Variants in ADAMTS6 observed in about 807,000 individuals in gnomAD.
The protein encoded by ADAMTS6 is A disintegrin and metalloproteinase with thrombospondin motifs 6.
Under a neutral mutation model 144.3 loss-of-function variants are expected in ADAMTS6, and 23 were observed. The ratio of observed to expected loss-of-function variants is 0.16; its 90% CI spans 0.11 to 0.23. The LOEUF (loss-of-function observed/expected upper bound fraction) is 0.23, where lower values mean the gene tolerates loss of function less well. ADAMTS6 is among the 10% of genes least tolerant of loss of function. The probability of loss-of-function intolerance (pLI) is 1.00; values close to 1 mark genes in which losing one functional copy is unlikely to be tolerated. For synonymous variants in ADAMTS6, 444 were observed against 457.5 expected (o/e 0.97, Z 0.38); for missense variants, 999 against 1,379.6 (o/e 0.72, Z 4.37).
At chr5:65,219,409 T>C (rs952693892) in intron 18 of ADAMTS6, among the ~76,000 whole-genome samples, 13 of 152,080 alleles carry the variant, frequency 8.5e-5, no homozygotes, top group African/African-American at 3.1e-4. Flanking sequence ...TGTTAGACAT[T>C]ATAAGAAATC....
intron 24 of ADAMTS6, among the ~76,000 whole-genome samples, chr5:65,156,695 T>C (rs1752439897): frequency 6.6e-6 from 1 of 152,234 alleles, no homozygotes. Context: ...ACTTTCTTCA[T>C]GCAAACACAC....
chr5:65,202,053 G>A (rs1311514115), intron 20 of ADAMTS6, among the ~76,000 whole-genome samples: 1 of 152,204 alleles, frequency 6.6e-6, no homozygotes, highest in Non-Finnish European at 1.5e-5. Context: ...GCATTTGCAG[G>A]GCAGAGCAAA....
intron 7 of ADAMTS6, among the ~76,000 whole-genome samples, chr5:65,368,021 A>G (rs1750469239): frequency 6.6e-6 from 1 of 152,144 alleles, no homozygotes; most frequent in Non-Finnish European, 1.5e-5. Context: ...TCAAAGGCTA[A>G]AAGTCTACTG....
At chr5:65,459,035 TTC>T (rs199595488) in intron 4 of ADAMTS6, among the ~76,000 whole-genome samples, 3,288 of 152,018 alleles carry the variant, frequency 0.022, 123 homozygotes, top group African/African-American at 0.076. Context: ...TCTTTTTTTT[TTC>T]TTTCTTTTTT....
intron 11 of ADAMTS6, among the ~76,000 whole-genome samples, chr5:65,280,571 G>A (rs1016833138): frequency 6.6e-6 from 1 of 152,022 alleles, no homozygotes; most frequent in African/African-American, 2.4e-5. Flanking sequence ...TAATATACTA[G>A]GAAACATTCA....
At chr5:65,225,217 A>C (rs576008524) in intron 16 of ADAMTS6, among the ~76,000 whole-genome samples, 170 bp from the exon 17 acceptor site, 80 of 152,326 alleles carry the variant, frequency 5.3e-4, no homozygotes, top group African/African-American at 1.8e-3. Flanking sequence ...AAAAACTTGA[A>C]TACTACTACA....
intron 24 of ADAMTS6, among the ~76,000 whole-genome samples, chr5:65,155,141 T>G (rs979425472): frequency 6.6e-6 from 1 of 152,192 alleles, no homozygotes; most frequent in African/African-American, 2.4e-5. Context: ...TTATTCTCTT[T>G]TAACTCCACA....
chr5:65,249,003 G>T (rs1240789380), intron 14 of ADAMTS6, among the ~76,000 whole-genome samples: 3 of 151,932 alleles, frequency 2.0e-5, no homozygotes, highest in African/African-American at 7.3e-5. Flanking sequence ...TATTGTTCCT[G>T]TTTTTTGCCG....
rs543679771 is a variant in ADAMTS6 at position 65,243,938 on chromosome 5, A to C, written c.1831-1732T>G. Among the ~76,000 whole-genome samples the C allele has an allele frequency of 2.6e-5, 4 of 152,274 alleles. No homozygotes were observed. In the East Asian group the frequency reaches 7.7e-4, roughly 29 times the overall value. On this transcript the variant is annotated intron_variant, in intron 14 of 24. Transcript: ENST00000381055. ...AAGCATGGCTTTCAACTTTGTTGGAAAAACAAGACACAAATGGAAAAACGA... is the reference window on the plus strand; with the variant it reads ...AAGCATGGCTTTCAACTTTGTTGGACAAACAAGACACAAATGGAAAAACGA...
At chr5:65,241,606 G>A (rs767993086) in intron 15 of ADAMTS6, among the ~76,000 whole-genome samples, 31 of 152,056 alleles carry the variant, frequency 2.0e-4, no homozygotes, top group Non-Finnish European at 4.1e-4. Flanking sequence ...AACAATCAGT[G>A]CCTGATACAT....
intron 20 of ADAMTS6, among the ~76,000 whole-genome samples, chr5:65,198,238 G>T (rs550029231): frequency 2.9e-4 from 44 of 152,082 alleles, no homozygotes; most frequent in Non-Finnish European, 2.4e-4. Flanking sequence ...AAATTACCCA[G>T]AAAGAGTTGT....
At chr5:65,319,410 T>C (rs1179402525) in intron 9 of ADAMTS6, among the ~76,000 whole-genome samples, 1 of 150,464 alleles carries the variant, frequency 6.6e-6, no homozygotes, top group Non-Finnish European at 1.5e-5. Context: ...CTAGGTGTGG[T>C]GGCTCGGGCC....
Position 65,248,112 on chromosome 5 carries a change from C to G in ADAMTS6, c.1831-5906G>C, listed in dbSNP as rs150897403. ...CTAACAAAAGCCTTGCTTCTATACC[C>G]TCTTTTAAAAGTTGCAAACAAATTT... On this transcript the variant is annotated intron_variant, in intron 14 of 24. Transcript: ENST00000381055. Among the ~76,000 whole-genome samples the G allele has an allele frequency of 4.7e-3, 723 of 152,248 alleles. 2 individuals carry two copies. The highest frequency in any genetic ancestry group is 0.016 in the African/African-American group (677 of 41,542).
At chr5:65,454,022 C>T (rs1758975649) in intron 4 of ADAMTS6, among the ~76,000 whole-genome samples, 1 of 152,112 alleles carries the variant, frequency 6.6e-6, no homozygotes, top group Admixed American at 6.5e-5. Flanking sequence ...AAGTCTCCAC[C>T]CTCATGAAGG....
chr5:65,336,646 C>T (rs550039137), intron 7 of ADAMTS6, among the ~76,000 whole-genome samples: 1 of 152,114 alleles, frequency 6.6e-6, no homozygotes, highest in East Asian at 1.9e-4. Flanking sequence ...AAAGTATTGT[C>T]AGAGCACCTA....
At chr5:65,294,751 A>C (rs868431072) in intron 10 of ADAMTS6, among the ~76,000 whole-genome samples, 1 of 152,204 alleles carries the variant, frequency 6.6e-6, no homozygotes, top group Non-Finnish European at 1.5e-5. Flanking sequence ...TGAGCAATGT[A>C]TATTTAACCC....
chr5:65,340,878 G>A (rs745976139), intron 7 of ADAMTS6, among the ~76,000 whole-genome samples: 9 of 151,786 alleles, frequency 5.9e-5, no homozygotes, highest in South Asian at 2.1e-4. Flanking sequence ...GGATCAATTC[G>A]GCAAGAGAAT....
At position 65,452,473 on chromosome 5, in the gene ADAMTS6, A is replaced by AAC. The variant is rs1173554796; in HGVS notation, c.843+233_843+234insGT. ...CTGATGTTTCAAGTTAAAAAAAAAA[A>AAC]AAAACCCTTAAACAAGATTTAACAA... On this transcript the variant is annotated intron_variant, in intron 5 of 24. Coordinates refer to ENST00000381055, the MANE Select transcript of ADAMTS6 (RefSeq NM_197941.4). Among the ~76,000 whole-genome samples the AAC allele has an allele frequency of 5.2e-4, 79 of 151,906 alleles. 4 individuals are homozygous for AAC. Among genetic ancestry groups the AAC allele is most frequent in the Non-Finnish European group, 5.9e-5 (4 of 67,960 alleles).
intron 22 of ADAMTS6, among the ~76,000 whole-genome samples, chr5:65,183,784 T>A (rs1302483500): frequency 6.6e-6 from 1 of 152,244 alleles, no homozygotes. Context: ...AGATAATCAT[T>A]AGCCTATACC....
Sources: allele counts gnomAD v4.1 joint callset (sites outside exome capture counted in the v4.1 genomes callset), GRCh38; gene constraint gnomAD v4.1.1; transcripts MANE v1.5; gene names NCBI Gene and HGNC (gene_info 2026-07-23, HGNC 2026-07-21).